Variants in PCDHA9 observed in about 807,000 individuals in gnomAD.
PCDHA9 encodes the protein protocadherin alpha 9.
Under a neutral mutation model 62.0 loss-of-function variants are expected in PCDHA9, and 62 were observed. The ratio of observed to expected loss-of-function variants is 1.00; its 90% CI spans 0.81 to 1.23. The LOEUF (loss-of-function observed/expected upper bound fraction) is 1.23. PCDHA9 is among the 50% of genes most tolerant of loss of function. The pLI is 0.00. For synonymous variants in PCDHA9, 557 were observed against 567.6 expected (o/e 0.98, Z 0.27); for missense variants, 1,205 against 1,249.8 (o/e 0.96, Z 0.54).
intron 1 of PCDHA9, chr5:140,861,445 G>T (rs1196401790): frequency 2.0e-6 from 1 of 494,332 alleles, no homozygotes; most frequent in Non-Finnish European, 4.2e-6. Flanking sequence ...AAAAGCCGCA[G>T]AAACCTTCTG....
intron 1 of PCDHA9, chr5:140,968,168 A>T (rs145694919): frequency 3.1e-6 from 5 of 1,614,098 alleles, no homozygotes; most frequent in Non-Finnish European, 4.2e-6. Context: ...CAATCCACCA[A>T]GCTTCCTGGA....
intron 1 of PCDHA9, among the ~76,000 whole-genome samples, chr5:140,898,131 T>C (rs371489317): frequency 6.6e-6 from 1 of 152,156 alleles, no homozygotes; most frequent in Non-Finnish European, 1.5e-5. Context: ...TTCTCCCATT[T>C]TGTAGGTTGC....
chr5:140,873,246 T>C (rs1554166632), intron 1 of PCDHA9, among the ~76,000 whole-genome samples: 1 of 152,142 alleles, frequency 6.6e-6, no homozygotes, highest in African/African-American at 2.4e-5. Flanking sequence ...ATATAAAATA[T>C]TTCAGACTCA....
chr5:140,883,860 T>C, intron 1 of PCDHA9: 2 of 1,613,044 alleles, frequency 1.2e-6, no homozygotes, highest in Non-Finnish European at 1.7e-6. Flanking sequence ...CTGGAGCTGT[T>C]GCAGTTCCAG....
intron 1 of PCDHA9, chr5:140,884,652 G>A (rs2060303446): frequency 6.2e-7 from 1 of 1,603,582 alleles, no homozygotes; most frequent in Non-Finnish European, 8.5e-7. Flanking sequence ...GACTCAGAAT[G>A]CTTGAAAGAG....
chr5:140,877,422 G>A (rs781813282), intron 1 of PCDHA9: 2 of 1,613,784 alleles, frequency 1.2e-6, no homozygotes, highest in Admixed American at 1.7e-5. Context: ...TGCTGGTGCT[G>A]GTGAAGGACC....
intron 1 of PCDHA9, among the ~76,000 whole-genome samples, chr5:140,915,425 A>T (rs2077115235): frequency 6.6e-6 from 1 of 152,056 alleles, no homozygotes; most frequent in African/African-American, 2.4e-5. Flanking sequence ...GGGCTTGTTT[A>T]TCCCTGTCCT....
chr5:140,992,798 CAT>C (rs1554253202), intron 3 of PCDHA9, among the ~76,000 whole-genome samples: 1 of 152,076 alleles, frequency 6.6e-6, no homozygotes, highest in African/African-American at 2.4e-5. Context: ...TTTATGGATC[CAT>C]ATGTATCTAA....
At chr5:140,924,906 T>TAAAAA (rs1284498744) in intron 1 of PCDHA9, among the ~76,000 whole-genome samples, 1 of 55,822 alleles carries the variant, frequency 1.8e-5, no homozygotes, top group Non-Finnish European at 3.4e-5. Context: ...AAAAAAAAAA[T>TAAAAA]AAAATAAAAT....
Position 140,901,240 on chromosome 5 carries a change from C to T in PCDHA9, c.2394+50351C>T, listed in dbSNP as rs868923936. 8.9e-4 allele frequency among the ~76,000 whole-genome samples: 135 copies of T among 151,946 alleles called. 1 individual carries two copies. Among genetic ancestry groups the T allele is most frequent in the Middle Eastern group, 6.8e-3 (2 of 294 alleles). The stretch of plus-strand genomic sequence containing the variant: ...TGTGATCCCATATATCCATTTTTTT[C>T]CTTTGGTTCCCTGTGATTGTGGGGT... On this transcript the variant is annotated intron_variant, in intron 1 of 3. Transcript: ENST00000532602.
intron 1 of PCDHA9, chr5:140,861,513 T>C: frequency 2.1e-6 from 1 of 470,750 alleles, no homozygotes; most frequent in East Asian, 6.2e-5. Flanking sequence ...CGAGGAGCTG[T>C]GTGGGAGGAT....
chr5:140,851,042 C>A lies in PCDHA9; in HGVS notation c.2394+153C>A, dbSNP rs2150268615. ...TAAAGTAAACCCCTTAACATTGGAG[C>A]CGACTTTGTCTTGACTTCTAGTGAG... On this transcript the variant is annotated intron_variant, in intron 1 of 3. Coordinates refer to ENST00000532602, the MANE Select transcript of PCDHA9 (RefSeq NM_031857.2). The A allele has an allele frequency of 2.2e-6, 3 of 1,392,218 alleles. No individual in the cohort carries two copies. The East Asian group carries it at 7.5e-5, about 35-fold the overall frequency. The allele number at this position is 1,392,218 out of a possible 1,614,324, so 86.2% of individuals were successfully genotyped here.
At chr5:140,963,952 G>T (rs1466185819) in intron 1 of PCDHA9, among the ~76,000 whole-genome samples, 1 of 152,176 alleles carries the variant, frequency 6.6e-6, no homozygotes, top group Non-Finnish European at 1.5e-5. Context: ...TTAGTCACTG[G>T]CAGGAGTGTG....
intron 1 of PCDHA9, among the ~76,000 whole-genome samples, chr5:140,896,330 A>C (rs1435351695): frequency 1.3e-5 from 2 of 152,170 alleles, no homozygotes. Flanking sequence ...CAGTGGCTAA[A>C]CTAATTTATA....
In PCDHA9 at chr5:140,879,424, A is replaced by T. The variant is rs181418893; in HGVS notation, c.2394+28535A>T. Reference sequence around the variant, plus strand: ...GTATTTGAGCAGGTAGGGAATGGAGATGAACATTTAAGAAAATGTTACTTT... The same window carrying T: ...GTATTTGAGCAGGTAGGGAATGGAGTTGAACATTTAAGAAAATGTTACTTT... On this transcript the variant is annotated intron_variant, in intron 1 of 3. Coordinates refer to ENST00000532602, the MANE Select transcript of PCDHA9 (RefSeq NM_031857.2). Among the ~76,000 whole-genome samples, 1,178 of 152,344 alleles carry T rather than the reference A, an allele frequency of 7.7e-3. 4 individuals carry two copies. The highest frequency in any genetic ancestry group is 0.013 in the Admixed American group (206 of 15,298).
chr5:140,932,203 T>C (rs1415160763), intron 1 of PCDHA9, among the ~76,000 whole-genome samples: 1 of 151,924 alleles, frequency 6.6e-6, no homozygotes, highest in Non-Finnish European at 1.5e-5. Context: ...TCTGTTAATA[T>C]TCTTGATGGG....
In PCDHA9 at chr5:140,982,560, C is replaced by T. The variant is rs782437404; in HGVS notation, c.2539C>T (p.Pro847Ser). 6.2e-7 allele frequency: 1 copy of T among 1,614,098 alleles called. No homozygotes were observed. Among genetic ancestry groups the T allele is most frequent in the Admixed American group, 1.7e-5 (1 of 60,022 alleles). ...GTGGCCAACAGTATCCAGTGCAACA[C>T]CAGGTAAAGAGCTGGGGTCTCTCCA... ...QQWPTVSSAT[P>S]EPEAGEVSPP... The change falls in exon 3 of 4, where the codon CCA (proline) becomes TCA (serine). Residue 847 changes from proline (P) to serine (S), a missense_variant. Coordinates refer to ENST00000532602, the MANE Select transcript of PCDHA9 (RefSeq NM_031857.2).
In PCDHA9 at chr5:140,849,589, T is replaced by G; in HGVS notation, c.1094T>G (p.Leu365Arg). 6.3e-7 allele frequency: 1 copy of G among 1,598,710 alleles called. No homozygotes were observed. Among genetic ancestry groups the G allele is most frequent in the Non-Finnish European group, 8.6e-7 (1 of 1,167,974 alleles). ...LSVPVKEDAQ[L>R]GTVIALISVI... ...GTTCCTGTAAAAGAGGACGCACAACTGGGGACAGTTATTGCCCTGATTAGT... is the reference window on the plus strand; with the variant it reads ...GTTCCTGTAAAAGAGGACGCACAACGGGGGACAGTTATTGCCCTGATTAGT... Residue 365 changes from leucine (L) to arginine (R), a missense_variant, in exon 1 of 4, where the codon CTG becomes CGG. Leu to Arg is a moderately radical substitution (Grantham distance 102). Around this residue, in one of 3 missense-constraint regions of PCDHA9, gnomAD observed 887 missense variants for 809.5 expected, o/e 1.10. Transcript: ENST00000532602.
At chr5:140,984,905 C>G (rs1214020745) in intron 3 of PCDHA9, among the ~76,000 whole-genome samples, 1 of 152,004 alleles carries the variant, frequency 6.6e-6, no homozygotes, top group African/African-American at 2.4e-5. Context: ...AAAAAAAGAA[C>G]TGAGCATAGT....
Sources: gnomAD v4.1 joint callset for allele counts (sites outside exome capture counted in the v4.1 genomes callset) on GRCh38, gnomAD v4.1.1 for gene constraint, gnomAD v4.1.1 regional missense constraint, MANE v1.5 for transcripts, NCBI Gene and HGNC (gene_info 2026-07-23, HGNC 2026-07-21) for gene names.